Variants in ZC3H14 observed in about 807,000 individuals in gnomAD.
The protein encoded by ZC3H14 is zinc finger CCCH domain-containing protein 14.
A neutral mutation model predicts 92.4 loss-of-function variants in ZC3H14; 31 were observed. The ratio of observed to expected loss-of-function variants is 0.34; its 90% CI spans 0.25 to 0.45. The LOEUF is 0.45. Among genes scored for constraint, ZC3H14 ranks in the 20% least tolerant of loss-of-function variants. The pLI is 1.00. For synonymous variants in ZC3H14, 321 were observed against 300.9 expected, an observed-to-expected ratio of 1.07 and a Z score of -0.69; for missense variants, 781 against 897.3, an observed-to-expected ratio of 0.87 and a Z score of 1.66.
rs896867613 is a variant in ZC3H14, at chr14:88,563,261, C to G, written c.36+92C>G. The G allele has an allele frequency of 6.1e-5, 94 of 1,544,812 alleles. No homozygotes were observed. In the African/African-American group the frequency reaches 1.2e-3, roughly 19 times the overall value. On this transcript the variant is annotated intron_variant, in intron 1 of 16. Coordinates refer to ENST00000251038, the MANE Select transcript of ZC3H14 (RefSeq NM_024824.5). ...GGGGACTGTGGGCCCGGGTGGACGC[C>G]GCGGCCTGGCCTCCGCTGGACGCTC...
rs147748071 is a variant in ZC3H14, at chr14:88,571,096, A to T, written c.207A>T (p.Val69=). 3 of 1,582,110 alleles carry T rather than the reference A, an allele frequency of 1.9e-6. No homozygotes were observed. Among genetic ancestry groups the T allele is most frequent in the Non-Finnish European group, 2.6e-6 (3 of 1,163,230 alleles). Residue 69 remains valine (V), a synonymous_variant, in exon 4 of 17, where the codon GTA becomes GTT. Transcript: ENST00000251038. ...TTTTTTTCCTCAGGCTTCATGGTGT[A>T]TTAGATAAACTTCGCTCTGTTACAA... ...TIRFTVWLHG[V]LDKLRSVTTE... is the part of the protein sequence containing the mutation.
In ZC3H14 at chr14:88,615,778, C is replaced by G; in HGVS notation, c.*4027C>G. ...GTTTTGGTTTTTCTTCTCTGTAATT[C>G]TGGTCTCAAAGTTAATTTCTGTAGT... On this transcript the variant is annotated 3_prime_UTR_variant, in exon 17 of 17. Transcript: ENST00000251038. The G allele has an allele frequency of 6.3e-7, 1 of 1,597,330 alleles. No homozygotes were observed. Among genetic ancestry groups the G allele is most frequent in the Non-Finnish European group, 8.5e-7 (1 of 1,171,494 alleles).
Position 88,576,134 on chromosome 14 carries a change from C to G in ZC3H14, c.1123+194C>G, listed in dbSNP as rs1005225535. ...AGAAACTTCGCCAACTGTTATTGGACTGTAGTTTTTCAAGCACCATATAAT... is the reference window on the plus strand; with the variant it reads ...AGAAACTTCGCCAACTGTTATTGGAGTGTAGTTTTTCAAGCACCATATAAT... On this transcript the variant is annotated intron_variant, in intron 8 of 16. Coordinates refer to ENST00000251038, the MANE Select transcript of ZC3H14 (RefSeq NM_024824.5). Among the ~76,000 whole-genome samples the G allele has an allele frequency of 4.2e-4, 64 of 152,186 alleles. 1 individual carries two copies. Among genetic ancestry groups the G allele is most frequent in the Admixed American group, 4.2e-3 (64 of 15,278 alleles).
In ZC3H14 at chr14:88,620,393, GT is replaced by G. The variant is rs2140299306; in HGVS notation, c.*8645del. 1 of 173,764 alleles carries G rather than the reference GT, an allele frequency of 5.8e-6. No homozygotes were observed. Among genetic ancestry groups the G allele is most frequent in the South Asian group, 2.0e-4 (1 of 5,000 alleles). The allele number at this position is 173,764 out of a possible 1,614,324, so 10.8% of individuals were successfully genotyped here. A position where few individuals can be genotyped will look rare whatever the true frequency, so the allele number is the denominator to read the frequency against. ...AACTGAGGTTACTAAGAGAAGATAT[GT>G]TTGAAATCACAACTTTAGTTTTCCA... On this transcript the variant is annotated 3_prime_UTR_variant, in exon 17 of 17. Coordinates refer to ENST00000251038, the MANE Select transcript of ZC3H14 (RefSeq NM_024824.5). This position sits in a 1 kb window ranked among gnomAD's most constrained non-coding sequence, Gnocchi z 4.3.
In ZC3H14 at chr14:88,596,731, T is replaced by C. The variant is rs750552473; in HGVS notation, c.1280-3T>C. On this transcript the variant is annotated splice_polypyrimidine_tract_variant and splice_region_variant and intron_variant, in intron 9 of 16. Transcript: ENST00000251038. ...TAGTGAAGTTTTAAAATTTATATTC[T>C]AGGAACTCAACAGAGGCAATTATTA... The C allele has an allele frequency of 6.8e-6, 11 of 1,613,684 alleles. No homozygotes were observed. Among genetic ancestry groups the C allele is most frequent in the Non-Finnish European group, 8.5e-6 (10 of 1,179,644 alleles).
chr14:88,590,669 T>A (rs1275488456), intron 9 of ZC3H14: 1 of 152,260 alleles, frequency 6.6e-6, no homozygotes, highest in African/African-American at 2.4e-5. Context: ...GTCTTTATGT[T>A]TTAACGTGAA....
At chr14:88,590,801 T>C (rs1034922944) in intron 9 of ZC3H14, 1 of 152,210 alleles carries the variant, frequency 6.6e-6, no homozygotes, top group Non-Finnish European at 1.5e-5. Flanking sequence ...TGTTACTGAG[T>C]GCCCAGAGCA....
In ZC3H14 at chr14:88,624,367, G is replaced by C. The variant is rs2089589532; in HGVS notation, c.*12616G>C. ...TAAGATTACAGGTGTGAGCCACTGT[G>C]CCTGGCCTACATGTCATGTTTCAAC... On this transcript the variant is annotated 3_prime_UTR_variant, in exon 17 of 17. Transcript: ENST00000251038. The C allele has an allele frequency of 6.6e-6, 1 of 152,450 alleles. No homozygotes were observed. Among genetic ancestry groups the C allele is most frequent in the African/African-American group, 2.4e-5 (1 of 41,446 alleles). 9.4% of individuals were successfully genotyped at this position (152,450 alleles called of 1,614,324 possible).
At chr14:88,605,399 A>G (rs979357622) in intron 12 of ZC3H14, among the ~76,000 whole-genome samples, 4 of 152,180 alleles carry the variant, frequency 2.6e-5, no homozygotes, top group Non-Finnish European at 5.9e-5. Flanking sequence ...TGGCACAGTC[A>G]TGGCTCACTG....
chr14:88,573,028 T>G (rs1227023343), intron 6 of ZC3H14, 21 bp downstream of exon 6: 3 of 1,612,738 alleles, frequency 1.9e-6, no homozygotes, highest in African/African-American at 1.3e-5. Flanking sequence ...ACTTTTAAAT[T>G]CTGGCTTAGG....
intron 10 of ZC3H14, among the ~76,000 whole-genome samples, chr14:88,601,058 TG>T (rs2084574301): frequency 6.6e-6 from 1 of 152,204 alleles, no homozygotes; most frequent in Non-Finnish European, 1.5e-5. Flanking sequence ...CGTTGGTTCT[TG>T]GCTGGAGTGG....
At chr14:88,610,087 CG>C (rs1189100852) in intron 15 of ZC3H14, among the ~76,000 whole-genome samples, 1 of 151,882 alleles carries the variant, frequency 6.6e-6, no homozygotes, top group African/African-American at 2.4e-5. Context: ...TGGGTTTTAG[CG>C]GGGGCTGGGG....
chr14:88,574,605 C>T, intron 6 of ZC3H14, 88 bp from the exon 7 acceptor site: 4 of 1,490,318 alleles, frequency 2.7e-6, no homozygotes, highest in Non-Finnish European at 3.7e-6. Context: ...TTACTGTGTA[C>T]TGTTTTTTTC....
chr14:88,563,502 G>A lies in ZC3H14; in HGVS notation c.37-149G>A, dbSNP rs1308451051. On this transcript the variant is annotated intron_variant, in intron 1 of 16. Coordinates refer to ENST00000251038, the MANE Select transcript of ZC3H14 (RefSeq NM_024824.5). ...CTGGAGCTGGAGTGGGGTGCGGGGT[G>A]GGGGGCGGTGCAGGCGAGGCTCCTC... The A allele has an allele frequency of 1.3e-5, 19 of 1,506,294 alleles. No individual in the cohort carries two copies. In the East Asian group the frequency reaches 3.3e-4, roughly 26 times the overall value. 93.3% of individuals were successfully genotyped at this position (1,506,294 alleles called of 1,614,324 possible).
chr14:88,622,917 C>A lies in ZC3H14; in HGVS notation c.*11166C>A. Reference sequence around the variant, plus strand: ...CTCAGTCAAAATAAACATCCAGTTTCAGTGAATTTTATTTTGAGAAATACT... The same window carrying A: ...CTCAGTCAAAATAAACATCCAGTTTAAGTGAATTTTATTTTGAGAAATACT... On this transcript the variant is annotated 3_prime_UTR_variant, in exon 17 of 17. Transcript: ENST00000251038. 2 of 414,246 alleles carry A rather than the reference C, an allele frequency of 4.8e-6. No homozygotes were observed. The highest frequency in any genetic ancestry group is 8.5e-6 in the Non-Finnish European group (2 of 235,418). The allele number at this position is 414,246 out of a possible 1,614,324, so 25.7% of individuals were successfully genotyped here. A position where few individuals can be genotyped will look rare whatever the true frequency, so the allele number is the denominator to read the frequency against.
At position 88,615,806 on chromosome 14, in the gene ZC3H14, T is replaced by C. The variant is rs2140218240; in HGVS notation, c.*4055T>C. On this transcript the variant is annotated 3_prime_UTR_variant, in exon 17 of 17. Transcript: ENST00000251038. Reference sequence around the variant, plus strand: ...GTCTCAAAGTTAATTTCTGTAGTCATCTCAGCATCTCTCAGTGAGGTGTAT... The same window carrying C: ...GTCTCAAAGTTAATTTCTGTAGTCACCTCAGCATCTCTCAGTGAGGTGTAT... 1.9e-6 allele frequency: 3 copies of C among 1,609,920 alleles called. No homozygotes were observed. The highest frequency in any genetic ancestry group is 8.5e-7 in the Non-Finnish European group (1 of 1,178,192).
At chr14:88,607,185 G>C (rs1595090595) in intron 12 of ZC3H14, 58 bp from the exon 13 acceptor site, 5 of 1,612,376 alleles carry the variant, frequency 3.1e-6, no homozygotes, top group Middle Eastern at 3.3e-4. Flanking sequence ...TGTTAAAGGT[G>C]CTGTGTACTG....
intron 2 of ZC3H14, among the ~76,000 whole-genome samples, chr14:88,567,445 A>G (rs1595488058): frequency 6.8e-6 from 1 of 147,596 alleles, no homozygotes; most frequent in Admixed American, 6.8e-5. Flanking sequence ...TTTATCCTAG[A>G]CCTCACCCTT....
rs779278041 is a variant in ZC3H14 at position 88,617,958 on chromosome 14, T to C, written c.*6207T>C. 5.4e-5 allele frequency: 14 copies of C among 257,884 alleles called. No homozygotes were observed. Among genetic ancestry groups the C allele is most frequent in the Non-Finnish European group, 8.1e-5 (11 of 135,340 alleles). 16.0% of individuals were successfully genotyped at this position (257,884 alleles called of 1,614,324 possible). On this transcript the variant is annotated 3_prime_UTR_variant, in exon 17 of 17. Transcript: ENST00000251038. Reference sequence around the variant, plus strand: ...AATACCTTTTTGCCAGTCATTAAATTTAGCATTAAGAAAAATATCAGGGTA... The same window carrying C: ...AATACCTTTTTGCCAGTCATTAAATCTAGCATTAAGAAAAATATCAGGGTA...
Sources: gnomAD v4.1 joint callset for allele counts (sites outside exome capture counted in the v4.1 genomes callset) on GRCh38, gnomAD v4.1.1 for gene constraint, Gnocchi (gnomAD v3.1) non-coding constraint, MANE v1.5 for transcripts, NCBI Gene and HGNC (gene_info 2026-07-23, HGNC 2026-07-21) for gene names.